SYCE1L: variants seen among roughly 807,000 people sequenced by gnomAD.
SYCE1L encodes the protein synaptonemal complex central element protein 1 like.
SYCE1L carries 51 observed loss-of-function variants against 39.6 expected under a neutral mutation model. That is an observed-to-expected ratio of 1.29 (90% confidence interval 1.03 to 1.63). The LOEUF (loss-of-function observed/expected upper bound fraction) is 1.63, where lower values mean the gene tolerates loss of function less well. SYCE1L is among the 40% of genes most tolerant of loss of function. The pLI, the probability that SYCE1L is intolerant of heterozygous loss-of-function variation, is 0.00. For synonymous variants in SYCE1L, 147 were observed against 122.4 expected, an observed-to-expected ratio of 1.20 and a Z score of -1.33; for missense variants, 426 against 304.9, an observed-to-expected ratio of 1.40 and a Z score of -2.96.
At chr16:77,210,677 C>G (rs1240763060) in intron 6 of SYCE1L, among the ~76,000 whole-genome samples, 2 of 152,062 alleles carry the variant, frequency 1.3e-5, no homozygotes, top group Non-Finnish European at 2.9e-5. Flanking sequence ...GCCAAATTAC[C>G]ACACGCCTCA....
rs368305856 is a variant in SYCE1L, at chr16:77,212,779, G to T, written c.655-78G>T. 1,959 of 1,421,272 alleles carry T rather than the reference G, an allele frequency of 1.4e-3. 36 individuals are homozygous for T. The South Asian group carries it at 0.026, about 19-fold the overall frequency. 88.0% of individuals were successfully genotyped at this position (1,421,272 alleles called of 1,614,324 possible). A position where few individuals can be genotyped will look rare whatever the true frequency, so the allele number is the denominator to read the frequency against. On this transcript the variant is annotated intron_variant, in intron 10 of 10. Transcript: ENST00000378644. ...CGGCCCCGGGGACAGAGGAAGCCGC[G>T]GTGGAGGCCTAGGGCAGACGCGGGC...
rs752482302 is a variant in SYCE1L at position 77,209,471 on chromosome 16, G to C, written c.359G>C (p.Arg120Thr). The C allele has an allele frequency of 1.3e-6, 2 of 1,551,626 alleles. No homozygotes were observed. The highest frequency in any genetic ancestry group is 4.9e-5 in the East Asian group (2 of 40,916). Residue 120 changes from arginine to threonine, a missense_variant and splice_region_variant, in exon 6 of 11, where the codon AGG (arginine) becomes ACG (threonine). Transcript: ENST00000378644. ...CAAGAGAAGGAAAGCGAGGCTCAGA[G>C]GTAAGAGGCCCTGCCTCAGCTCTTC... The part of the protein sequence containing the change: ...HCQEKESEAQ[R>T]LDVRGQLEDL...
At chr16:77,200,761 A>G (rs1597380844) in intron 1 of SYCE1L, 3 of 104,488 alleles carry the variant, frequency 2.9e-5, no homozygotes, top group East Asian at 3.2e-4. Flanking sequence ...AAAAAAAAAA[A>G]AAAAGAAAAA....
intron 1 of SYCE1L, chr16:77,201,498 C>T (rs1426418952): frequency 6.6e-6 from 1 of 152,192 alleles, no homozygotes; most frequent in Non-Finnish European, 1.5e-5. Flanking sequence ...AGGCCTTTTC[C>T]TGCCTCAGGG....
intron 1 of SYCE1L, 172 bp downstream of exon 1, chr16:77,199,684 AAATT>A (rs2054709590): frequency 8.6e-6 from 5 of 579,596 alleles, no homozygotes; most frequent in Admixed American, 3.2e-5. Flanking sequence ...CAGTGGAGAT[AAATT>A]AACAGGCATA....
intron 6 of SYCE1L, among the ~76,000 whole-genome samples, chr16:77,210,546 C>T (rs573308491): frequency 6.6e-6 from 1 of 152,156 alleles, no homozygotes; most frequent in South Asian, 2.1e-4. Context: ...TGTCACCCTC[C>T]CATCACTACC....
intron 3 of SYCE1L, 29 bp from the exon 4 acceptor site, chr16:77,208,436 T>A: frequency 6.5e-7 from 1 of 1,549,922 alleles, no homozygotes; most frequent in Non-Finnish European, 8.7e-7. Flanking sequence ...ACTACACTCA[T>A]ACAGTGTCTT....
chr16:77,213,083 C>T lies in SYCE1L; in HGVS notation c.*152C>T, dbSNP rs893419112. The T allele has an allele frequency of 3.8e-6, 3 of 783,850 alleles. No homozygotes were observed. Among genetic ancestry groups the T allele is most frequent in the African/African-American group, 1.8e-5 (1 of 56,302 alleles). The allele number at this position is 783,850 out of a possible 1,614,324, so 48.6% of individuals were successfully genotyped here. ...TGGGATCTCGAGGCGGGGCCTCTGC[C>T]GGACCCCTCCCACCAGTCGAGCCCC... On this transcript the variant is annotated 3_prime_UTR_variant, in exon 11 of 11. Transcript: ENST00000378644.
intron 7 of SYCE1L, 121 bp downstream of exon 7, chr16:77,211,397 C>A: frequency 1.7e-6 from 2 of 1,188,178 alleles, no homozygotes; most frequent in Non-Finnish European, 2.4e-6. Flanking sequence ...TGATTCCTTG[C>A]TTCCGCTTGC....
In SYCE1L at chr16:77,212,135, GGA is replaced by G; in HGVS notation, c.431_432del (p.Glu144AlafsTer40). 1 of 1,548,734 alleles carries G rather than the reference GGA, an allele frequency of 6.5e-7. No homozygotes were observed. The highest frequency in any genetic ancestry group is 1.2e-5 in the South Asian group (1 of 83,918). On this transcript the variant is annotated frameshift_variant, in exon 8 of 11. Coordinates refer to ENST00000378644, the MANE Select transcript of SYCE1L (RefSeq NM_001129979.3). LOFTEE classifies it high-confidence loss of function. The stretch of plus-strand genomic sequence containing the variant: ...CCTCCTCTTTGTCCTCGCAGATGCT[GGA>G]GCAGCGACTGGCCCGGGAGATCCGT... ...HKDLWEFHML[E>X]QRLAREIRAL...
intron 6 of SYCE1L, among the ~76,000 whole-genome samples, chr16:77,210,211 G>T (rs2054813143): frequency 6.6e-6 from 1 of 152,110 alleles, no homozygotes; most frequent in African/African-American, 2.4e-5. Context: ...GGCTAATTTT[G>T]TGTTTTTAGT....
intron 1 of SYCE1L, chr16:77,202,327 G>A (rs1256750207): frequency 6.6e-6 from 1 of 152,188 alleles, no homozygotes; most frequent in Non-Finnish European, 1.5e-5. Flanking sequence ...GACAAAATGG[G>A]AGCACTGTGG....
chr16:77,212,082 T>C (rs765088544), intron 7 of SYCE1L, 48 bp from the exon 8 acceptor site: 146 of 1,520,726 alleles, frequency 9.6e-5, no homozygotes, highest in Non-Finnish European at 1.2e-4. Flanking sequence ...GCGGGCCGTG[T>C]AGCCAAGAGG....
chr16:77,212,821 G>A, intron 10 of SYCE1L, 36 bp from the exon 11 acceptor site: 1 of 1,450,986 alleles, frequency 6.9e-7, no homozygotes, highest in South Asian at 1.4e-5. Context: ...GAGGAGCGTA[G>A]GAACCTGGTC....
intron 8 of SYCE1L, 34 bp downstream of exon 8, chr16:77,212,233 G>A (rs2054828319): frequency 5.8e-6 from 9 of 1,542,764 alleles, no homozygotes; most frequent in Non-Finnish European, 7.9e-6. Flanking sequence ...CGGGGGGAGG[G>A]GGATGTGCCC....
At position 77,209,407 on chromosome 16, in the gene SYCE1L, T is replaced by C. The variant is rs1004221185; in HGVS notation, c.305-10T>C. The C allele has an allele frequency of 1.9e-6, 3 of 1,551,684 alleles. No homozygotes were observed. Among genetic ancestry groups the C allele is most frequent in the Admixed American group, 3.9e-5 (2 of 50,986 alleles). On this transcript the variant is annotated splice_polypyrimidine_tract_variant and intron_variant, in intron 5 of 10. Coordinates refer to ENST00000378644, the MANE Select transcript of SYCE1L (RefSeq NM_001129979.3). Reference sequence around the variant, plus strand: ...GCTCTCAAAGGGTCCCCTTGGTTCCTTCCCCACAGAGGCACTGAGGATCCT... The same window carrying C: ...GCTCTCAAAGGGTCCCCTTGGTTCCCTCCCCACAGAGGCACTGAGGATCCT...
Position 77,208,468 on chromosome 16 carries a change from A to T in SYCE1L, c.185A>T (p.Lys62Met). The T allele has an allele frequency of 6.4e-7, 1 of 1,551,738 alleles. No homozygotes were observed. The highest frequency in any genetic ancestry group is 8.7e-7 in the Non-Finnish European group (1 of 1,147,006). ...ISRINDLQQA[K>M]KKSSEELRET... ...TCTTTTTCCCTTCTTGGCCCAGCAA[A>T]GAAGAAATCCAGTGAGGAACTGAGA... The change falls in exon 4 of 11, where the codon AAG (lysine) becomes ATG (methionine). Residue 62 changes from lysine (K) to methionine (M), a missense_variant. Lys to Met is a moderately conservative substitution (Grantham distance 95). Coordinates refer to ENST00000378644, the MANE Select transcript of SYCE1L (RefSeq NM_001129979.3).
chr16:77,206,375 C>T (rs757202178), intron 1 of SYCE1L, 66 bp from the exon 2 acceptor site: 33 of 1,454,008 alleles, frequency 2.3e-5, no homozygotes, highest in Middle Eastern at 4.2e-4. Flanking sequence ...CTGGGACTTC[C>T]TGCCTCCCTT....
chr16:77,203,516 G>T (rs1018405099), intron 1 of SYCE1L, among the ~76,000 whole-genome samples: 23 of 150,662 alleles, frequency 1.5e-4, no homozygotes, highest in African/African-American at 5.6e-4. Flanking sequence ...TTACAACATG[G>T]ATTTTAATGG....
Sources: allele counts gnomAD v4.1 joint callset (sites outside exome capture counted in the v4.1 genomes callset), GRCh38; gene constraint gnomAD v4.1.1; transcripts MANE v1.5; gene names NCBI Gene and HGNC (gene_info 2026-07-23, HGNC 2026-07-21).